Variants in ELOVL5 observed in about 807,000 individuals in gnomAD.
ELOVL5 encodes very long chain fatty acid elongase 5.
Under a neutral mutation model 38.6 loss-of-function variants are expected in ELOVL5, and 8 were observed. The ratio of observed to expected loss-of-function variants is 0.21; its 90% confidence interval spans 0.12 to 0.37. The LOEUF is 0.37. Ranked by LOEUF, ELOVL5 falls within the 10% of genes least tolerant of loss-of-function variation. The pLI is 1.00. For synonymous variants in ELOVL5, 127 were observed against 133.7 expected (o/e 0.95, Z 0.34); for missense variants, 280 against 367.8 (o/e 0.76, Z 1.95).
chr6:53,293,526 C>G (rs1225936735), intron 2 of ELOVL5, among the ~76,000 whole-genome samples: 1 of 152,102 alleles, frequency 6.6e-6, no homozygotes, highest in Non-Finnish European at 1.5e-5. Flanking sequence ...CCATATTGGT[C>G]AGGCTGGTCT....
intron 1 of ELOVL5, 103 bp downstream of exon 1, chr6:53,348,714 C>CCTAA: frequency 2.3e-6 from 1 of 426,808 alleles, no homozygotes; most frequent in Non-Finnish European, 4.6e-6. Flanking sequence ...AGGTCCGAGA[C>CCTAA]CTAACGGCAG....
chr6:53,315,195 C>CTGGGGACT (rs1215459405), intron 1 of ELOVL5, among the ~76,000 whole-genome samples: 10 of 152,196 alleles, frequency 6.6e-5, no homozygotes, highest in African/African-American at 2.4e-4. Flanking sequence ...CTGTATCCTC[C>CTGGGGACT]TGGGGACTTG....
At chr6:53,295,799 A>G in intron 1 of ELOVL5, 92 bp from the exon 2 acceptor site, 1 of 791,860 alleles carries the variant, frequency 1.3e-6, no homozygotes, top group Non-Finnish European at 1.9e-6. Context: ...TTTTCAAAGA[A>G]TATGCTACAG....
chr6:53,297,227 T>C (rs1163465504), intron 1 of ELOVL5, among the ~76,000 whole-genome samples: 1 of 152,144 alleles, frequency 6.6e-6, no homozygotes, highest in Non-Finnish European at 1.5e-5. Flanking sequence ...TGCCCCTCAA[T>C]AGTTACAAAA....
chr6:53,319,995 T>C lies in ELOVL5; in HGVS notation c.-8-24288A>G, dbSNP rs144519048. Among the ~76,000 whole-genome samples, 7 of 152,300 alleles carry C rather than the reference T, an allele frequency of 4.6e-5. No individual in the cohort carries two copies. The East Asian group carries it at 7.7e-4, about 17-fold the overall frequency. ...GGTTTATATATTTGCCCAAGTCACA[T>C]AGAGATGAAGCTAGATTGATTATAA... On this transcript the variant is annotated intron_variant, in intron 1 of 7. Coordinates refer to ENST00000304434, the MANE Select transcript of ELOVL5 (RefSeq NM_021814.5).
intron 1 of ELOVL5, among the ~76,000 whole-genome samples, chr6:53,305,652 C>G (rs928415303): frequency 4.0e-5 from 6 of 150,318 alleles, no homozygotes; most frequent in African/African-American, 1.5e-4. Flanking sequence ...GGATGGCGGC[C>G]GGGAAGAGGC....
intron 3 of ELOVL5, among the ~76,000 whole-genome samples, chr6:53,278,616 G>A (rs2127569165): frequency 6.6e-6 from 1 of 152,260 alleles, no homozygotes; most frequent in South Asian, 2.1e-4. Flanking sequence ...CCTCAGTATT[G>A]GGTGGTGAAC....
intron 6 of ELOVL5, among the ~76,000 whole-genome samples, chr6:53,271,919 C>T (rs1042569783): frequency 1.3e-5 from 2 of 152,220 alleles, no homozygotes; most frequent in Non-Finnish European, 2.9e-5. Context: ...TTAAATTCTG[C>T]TTCCGCCAGA....
intron 3 of ELOVL5, among the ~76,000 whole-genome samples, chr6:53,282,137 C>A (rs1334337980): frequency 6.6e-6 from 1 of 152,230 alleles, no homozygotes; most frequent in African/African-American, 2.4e-5. Context: ...ATAAGGTAGG[C>A]ACTATCTGTC....
chr6:53,342,660 A>C (rs1008448647), intron 1 of ELOVL5, among the ~76,000 whole-genome samples: 1 of 152,238 alleles, frequency 6.6e-6, no homozygotes, highest in Non-Finnish European at 1.5e-5. Context: ...TAAAATTGTT[A>C]TTCTCCCAAT....
At chr6:53,339,519 T>C (rs1350635322) in intron 1 of ELOVL5, among the ~76,000 whole-genome samples, 2 of 152,196 alleles carry the variant, frequency 1.3e-5, no homozygotes, top group South Asian at 2.1e-4. Context: ...TTTCAAAATA[T>C]AGTCACGCAT....
At chr6:53,315,194 C>T (rs1319796398) in intron 1 of ELOVL5, among the ~76,000 whole-genome samples, 1 of 152,150 alleles carries the variant, frequency 6.6e-6, no homozygotes, top group Non-Finnish European at 1.5e-5. Flanking sequence ...GCTGTATCCT[C>T]CTGGGGACTT....
rs1259295352 is a variant in ELOVL5 at position 53,294,249 on chromosome 6, T to C, written c.58+1393A>G. The C allele has an allele frequency of 9.1e-6, 14 of 1,533,988 alleles. No homozygotes were observed. The South Asian group carries it at 1.7e-4, about 19-fold the overall frequency. ...TAGAGAATCCTTAGGATCTAGTCAATCTGTGGTGGTCCTAACCCCCTCTGG... is the reference window on the plus strand; with the variant it reads ...TAGAGAATCCTTAGGATCTAGTCAACCTGTGGTGGTCCTAACCCCCTCTGG... On this transcript the variant is annotated intron_variant, in intron 2 of 7. Transcript: ENST00000304434.
intron 1 of ELOVL5, among the ~76,000 whole-genome samples, chr6:53,303,895 C>G (rs1767370272): frequency 2.0e-5 from 3 of 152,212 alleles, no homozygotes; most frequent in Admixed American, 6.5e-5. Context: ...GTGGTCCTTC[C>G]TCCCTGTCCT....
intron 3 of ELOVL5, among the ~76,000 whole-genome samples, chr6:53,282,131 G>A (rs976046006): frequency 5.1e-4 from 78 of 152,184 alleles, no homozygotes; most frequent in African/African-American, 1.8e-3. Flanking sequence ...CCTGACATAA[G>A]GTAGGCACTA....
At chr6:53,307,201 AG>A (rs543936832) in intron 1 of ELOVL5, among the ~76,000 whole-genome samples, 141 of 152,360 alleles carry the variant, frequency 9.3e-4, no homozygotes, top group African/African-American at 2.8e-3. Flanking sequence ...CCTCTGCCAC[AG>A]TACAAATTAG....
intron 1 of ELOVL5, among the ~76,000 whole-genome samples, chr6:53,326,889 T>C (rs568949632): frequency 1.3e-5 from 2 of 152,284 alleles, no homozygotes; most frequent in East Asian, 3.9e-4. Flanking sequence ...CAACAGGCGC[T>C]TGGCACCATT....
chr6:53,319,311 A>AAAAAAAAAAAAAAAAAAAAAAAAAAC (rs1768200840), intron 1 of ELOVL5, among the ~76,000 whole-genome samples: 1 of 137,214 alleles, frequency 7.3e-6, no homozygotes, highest in Admixed American at 9.4e-5. Flanking sequence ...AAAAAAAAAA[A>AAAAAAAAAAAAAAAAAAAAAAAAAAC]AAAAAGAAAG....
chr6:53,330,452 T>TAA (rs1167772891), intron 1 of ELOVL5, among the ~76,000 whole-genome samples: 1 of 151,422 alleles, frequency 6.6e-6, no homozygotes, highest in Non-Finnish European at 1.5e-5. Context: ...AAATTTATTT[T>TAA]AAAATTTTTT....
Sources: allele counts gnomAD v4.1 joint callset (sites outside exome capture counted in the v4.1 genomes callset), GRCh38; gene constraint gnomAD v4.1.1; transcripts MANE v1.5; gene names NCBI Gene and HGNC (gene_info 2026-07-23, HGNC 2026-07-21).